PRKD3: variants seen among roughly 807,000 people sequenced by gnomAD.
PRKD3 encodes the protein serine/threonine-protein kinase D3.
A neutral mutation model predicts 99.2 loss-of-function variants in PRKD3; 47 were observed. That is an observed-to-expected ratio of 0.47 (90% CI 0.38 to 0.60). The LOEUF (loss-of-function observed/expected upper bound fraction) is 0.60, where lower values mean the gene tolerates loss of function less well. Ranked by LOEUF, PRKD3 falls within the 20% of genes least tolerant of loss-of-function variation. The pLI is 0.00. For missense variants in PRKD3, 1,019 were observed against 1,088.4 expected (o/e 0.94, Z 0.90); for synonymous variants, 392 against 355.4 (o/e 1.10, Z -1.16).
Position 37,272,399 on chromosome 2 carries a change from CAATT to C in PRKD3, c.1681_1684del (p.Asn561ValfsTer45). ...ACTTACCACATTCTCCTGAATCTGA[CAATT>C]AGATACAGAGATACTTGTAGACAAA... On this transcript the variant is annotated frameshift_variant, in exon 12 of 19. Coordinates refer to ENST00000234179, the MANE Select transcript of PRKD3 (RefSeq NM_005813.6). LOFTEE classifies it high-confidence loss of function. 1 of 1,606,850 alleles carries C rather than the reference CAATT, an allele frequency of 6.2e-7. No individual in the cohort carries two copies.
chr2:37,260,325 G>T lies in PRKD3; in HGVS notation c.1944C>A (p.Val648=). ...CATGCAGCTTTTCCATTACTACAAAGACTCGTTCTGGGGTTTCAAACATAC... is the reference window on the plus strand; with the variant it reads ...CATGCAGCTTTTCCATTACTACAAATACTCGTTCTGGGGTTTCAAACATAC... The part of the protein sequence containing the change: ...LECMFETPER[V]FVVMEKLHGD... Residue 648 remains valine (V), a synonymous_variant, in exon 15 of 19, where the codon GTC becomes GTA. Transcript: ENST00000234179. The T allele has an allele frequency of 6.2e-7, 1 of 1,609,460 alleles. No individual in the cohort carries two copies. Among genetic ancestry groups the T allele is most frequent in the Non-Finnish European group, 8.5e-7 (1 of 1,175,968 alleles).
chr2:37,268,609 G>C, intron 13 of PRKD3: 2 of 258,280 alleles, frequency 7.7e-6, no homozygotes, highest in Non-Finnish European at 1.5e-5. Context: ...GTTTTTATTT[G>C]ATGGAGAAAT....
intron 2 of PRKD3, among the ~76,000 whole-genome samples, chr2:37,311,306 A>T (rs147126490): frequency 6.6e-6 from 1 of 152,278 alleles, no homozygotes; most frequent in East Asian, 1.9e-4. Context: ...ATTTTATCAT[A>T]TTGTACCTTT....
chr2:37,295,300 TAGA>T (rs1390376415), intron 2 of PRKD3, among the ~76,000 whole-genome samples: 4 of 151,862 alleles, frequency 2.6e-5, no homozygotes, highest in African/African-American at 7.3e-5. Flanking sequence ...TAAAAAATTA[TAGA>T]AGGAGGAGGA....
At chr2:37,275,152 C>G (rs1440798198) in intron 10 of PRKD3, among the ~76,000 whole-genome samples, 2 of 151,914 alleles carry the variant, frequency 1.3e-5, no homozygotes, top group Non-Finnish European at 2.9e-5. Context: ...CTGGAGTAAC[C>G]TGTAGCAATC....
At position 37,260,394 on chromosome 2, in the gene PRKD3, G is replaced by C; in HGVS notation, c.1885-10C>G. 1 of 1,605,804 alleles carries C rather than the reference G, an allele frequency of 6.2e-7. No individual in the cohort carries two copies. Among genetic ancestry groups the C allele is most frequent in the Non-Finnish European group, 8.5e-7 (1 of 1,172,646 alleles). On this transcript the variant is annotated splice_polypyrimidine_tract_variant and intron_variant, in intron 14 of 18. Coordinates refer to ENST00000234179, the MANE Select transcript of PRKD3 (RefSeq NM_005813.6). ...CAGGATGGTGCAAATTCTGAAGAGAGGTTGCAAGATACATGAGCAACTTAA... is the reference window on the plus strand; with the variant it reads ...CAGGATGGTGCAAATTCTGAAGAGACGTTGCAAGATACATGAGCAACTTAA...
Position 37,252,219 on chromosome 2 carries a change from T to G in PRKD3, c.*958A>C, listed in dbSNP as rs1667557293. On this transcript the variant is annotated 3_prime_UTR_variant, in exon 19 of 19. Transcript: ENST00000234179. ...AGGATACTGTTTGCTATACAGTAAC[T>G]GTAGCATTAACTGACCCTGCACTGG... The G allele has an allele frequency of 6.6e-6, 1 of 152,182 alleles. No homozygotes were observed. 9.4% of individuals were successfully genotyped at this position (152,182 alleles called of 1,614,324 possible). A position where few individuals can be genotyped will look rare whatever the true frequency, so the allele number is the denominator to read the frequency against.
chr2:37,280,050 T>TTA, intron 7 of PRKD3, 121 bp from the exon 8 acceptor site: 1 of 667,506 alleles, frequency 1.5e-6, no homozygotes, highest in Non-Finnish European at 2.3e-6. Context: ...AGTAAAGTAT[T>TTA]TCTCTTTTTT....
intron 12 of PRKD3, among the ~76,000 whole-genome samples, chr2:37,271,024 C>A (rs1175779476): frequency 1.3e-5 from 2 of 152,148 alleles, no homozygotes; most frequent in African/African-American, 4.8e-5. Context: ...CTCAACAGGA[C>A]AAGAGACTCA....
rs557898303 is a variant in PRKD3 at position 37,305,984 on chromosome 2, A to G, written c.288+10253T>C. On this transcript the variant is annotated intron_variant, in intron 2 of 18. Transcript: ENST00000234179. ...AAAAGGGCCTATCATCAGTGGCAGA[A>G]TAGCAACTACAACCCAGGTGTCTCT... Among the ~76,000 whole-genome samples, 10 of 152,272 alleles carry G rather than the reference A, an allele frequency of 6.6e-5. No individual in the cohort carries two copies. The South Asian group carries it at 2.1e-3, about 32-fold the overall frequency.
chr2:37,257,008 T>C (rs1164308319), intron 16 of PRKD3, 79 bp from the exon 17 acceptor site: 10 of 1,445,606 alleles, frequency 6.9e-6, no homozygotes, highest in Admixed American at 5.3e-5. Flanking sequence ...TAACACTGTA[T>C]GTATCATTTC....
At chr2:37,296,816 C>T (rs1022060820) in intron 2 of PRKD3, among the ~76,000 whole-genome samples, 1 of 146,506 alleles carries the variant, frequency 6.8e-6, no homozygotes, top group African/African-American at 2.5e-5. Context: ...AGGAGAACGG[C>T]GTGAACCCGG....
At chr2:37,306,024 C>G (rs1671149953) in intron 2 of PRKD3, among the ~76,000 whole-genome samples, 1 of 151,674 alleles carries the variant, frequency 6.6e-6, no homozygotes, top group African/African-American at 2.4e-5. Flanking sequence ...GATTCCAAAA[C>G]TCTGCTATGG....
At chr2:37,255,265 T>C (rs926206086) in intron 17 of PRKD3, among the ~76,000 whole-genome samples, 4 of 152,008 alleles carry the variant, frequency 2.6e-5, no homozygotes, top group Admixed American at 6.6e-5. Context: ...TTTCCCAGTT[T>C]GATGGAATAT....
chr2:37,299,571 AG>A (rs1362493838), intron 2 of PRKD3, among the ~76,000 whole-genome samples: 5 of 151,046 alleles, frequency 3.3e-5, no homozygotes, highest in African/African-American at 1.2e-4. Context: ...AGCTTCTGCA[AG>A]GAAATAATTA....
At position 37,251,655 on chromosome 2, in the gene PRKD3, T is replaced by A. The variant is rs1049452995; in HGVS notation, c.*1522A>T. On this transcript the variant is annotated 3_prime_UTR_variant, in exon 19 of 19. Transcript: ENST00000234179. ...CTACCTCAAATTCGGTGGGCAACGA[T>A]AGTTAACACTTTCCTAGTTTTTAGT... is the stretch of plus-strand genomic sequence containing the variant. The A allele has an allele frequency of 6.6e-6, 1 of 152,006 alleles. No individual in the cohort carries two copies. Among genetic ancestry groups the A allele is most frequent in the African/African-American group, 2.4e-5 (1 of 41,360 alleles). The allele number at this position is 152,006 out of a possible 1,614,324, so 9.4% of individuals were successfully genotyped here.
intron 14 of PRKD3, among the ~76,000 whole-genome samples, chr2:37,263,905 G>A (rs983218389): frequency 3.3e-5 from 5 of 152,104 alleles, no homozygotes; most frequent in African/African-American, 1.2e-4. Context: ...CTTCCAAGAT[G>A]AGAACGGGAA....
At chr2:37,281,069 C>G (rs1572657267) in intron 7 of PRKD3, among the ~76,000 whole-genome samples, 1 of 152,158 alleles carries the variant, frequency 6.6e-6, no homozygotes, top group African/African-American at 2.4e-5. Context: ...CCACTTCGCA[C>G]TACCTAGGAT....
At chr2:37,274,727 AAGAAT>A in intron 10 of PRKD3, 30 bp from the exon 11 acceptor site, 1 of 1,584,034 alleles carries the variant, frequency 6.3e-7, no homozygotes, top group South Asian at 1.1e-5. Context: ...ATTGAAAAAT[AAGAAT>A]AGATCTTTGT....
Sources: allele counts gnomAD v4.1 joint callset (sites outside exome capture counted in the v4.1 genomes callset), GRCh38; gene constraint gnomAD v4.1.1; transcripts MANE v1.5; gene names NCBI Gene and HGNC (gene_info 2026-07-23, HGNC 2026-07-21).